Variants in TWIST2 observed in about 807,000 individuals in gnomAD.
The protein encoded by TWIST2 is twist family bHLH transcription factor 2.
A neutral mutation model predicts 11.6 loss-of-function variants in TWIST2; 1 was observed. The observed-to-expected ratio is 0.09, with a 90% CI of 0.03 to 0.41. The LOEUF (loss-of-function observed/expected upper bound fraction) is 0.41, where lower values mean the gene tolerates loss of function less well. Among genes scored for constraint, TWIST2 ranks in the 10% least tolerant of loss-of-function variants. TWIST2 has a pLI of 0.98. For missense variants in TWIST2, 168 were observed against 226.4 expected (o/e 0.74, Z 1.66); for synonymous variants, 87 against 96.6 (o/e 0.90, Z 0.58).
chr2:238,888,455 G>A (rs1481342945), intron 1 of TWIST2, among the ~76,000 whole-genome samples: 2 of 152,206 alleles, frequency 1.3e-5, no homozygotes, highest in Non-Finnish European at 2.9e-5. Flanking sequence ...CTGGGAGGGA[G>A]GTGGATTTCT....
chr2:238,888,833 C>T (rs1193914783), intron 1 of TWIST2, among the ~76,000 whole-genome samples: 2 of 152,236 alleles, frequency 1.3e-5, no homozygotes, highest in East Asian at 1.9e-4. Flanking sequence ...ATTGTTGCAA[C>T]TCATGAAGAA....
rs1327022094 is a variant in TWIST2 at position 238,867,539 on chromosome 2, G to A, written c.*35+18806G>A. On this transcript the variant is annotated intron_variant, in intron 1 of 1. Transcript: ENST00000612363. The surrounding 1 kb of genome is among the most constrained non-coding windows in gnomAD (Gnocchi z 4.8). ...CTGAGGAAGAGGCTGGGAGGAGAGA[G>A]TTGTGGCTGGGAACCCTTTGATAAA... 1.3e-5 allele frequency among the ~76,000 whole-genome samples: 2 copies of A among 152,072 alleles called. No individual in the cohort carries two copies. The highest frequency in any genetic ancestry group is 4.8e-5 in the African/African-American group (2 of 41,400).
chr2:238,892,751 G>A (rs1693160857), intron 1 of TWIST2, among the ~76,000 whole-genome samples: 1 of 152,138 alleles, frequency 6.6e-6, no homozygotes, highest in Non-Finnish European at 1.5e-5. Flanking sequence ...AAAGTGCTAG[G>A]ATTACAGGTG....
intron 1 of TWIST2, among the ~76,000 whole-genome samples, chr2:238,859,633 G>T (rs1692395273): frequency 6.6e-6 from 1 of 151,578 alleles, no homozygotes; most frequent in Admixed American, 6.6e-5. Context: ...GAGGTGTTCA[G>T]TTGGGGGTGG....
chr2:238,856,610 A>C (rs1043173667), intron 1 of TWIST2, among the ~76,000 whole-genome samples: 18 of 152,180 alleles, frequency 1.2e-4, no homozygotes, highest in African/African-American at 3.9e-4. Context: ...AGAATTTCAC[A>C]AGGGATCAGG....
chr2:238,874,414 CT>C (rs547357038), intron 1 of TWIST2, among the ~76,000 whole-genome samples: 44 of 152,242 alleles, frequency 2.9e-4, no homozygotes, highest in Middle Eastern at 3.4e-3. Flanking sequence ...TTACTTAAGG[CT>C]CTTCTTTTGC....
chr2:238,902,932 A>C, intron 1 of TWIST2, among the ~76,000 whole-genome samples: 1 of 1,072 alleles, frequency 9.3e-4, no homozygotes, highest in South Asian at 0.045. Flanking sequence ...GGTGTGTGTG[A>C]TGTGGGTGTT....
chr2:238,889,434 GTATAA>G (rs1452808724), intron 1 of TWIST2, among the ~76,000 whole-genome samples: 2 of 152,110 alleles, frequency 1.3e-5, no homozygotes, highest in Admixed American at 6.5e-5. Context: ...TGGTGGGTGT[GTATAA>G]TATGTGTATA....
chr2:238,890,419 T>A (rs1693112834), intron 1 of TWIST2, among the ~76,000 whole-genome samples: 1 of 152,038 alleles, frequency 6.6e-6, no homozygotes, highest in African/African-American at 2.4e-5. Flanking sequence ...TGAGAGCCCG[T>A]GATTGCACAA....
At chr2:238,881,535 G>A (rs1032936584) in intron 1 of TWIST2, among the ~76,000 whole-genome samples, 6 of 151,944 alleles carry the variant, frequency 3.9e-5, no homozygotes, top group South Asian at 2.1e-4. Context: ...ATTAGTGTTG[G>A]TGTTAGTATT....
chr2:238,905,944 CGCGCGCGTGTGTACGTGTGCGTGT>C (rs1693344287), intron 1 of TWIST2, among the ~76,000 whole-genome samples: 9 of 142,356 alleles, frequency 6.3e-5, no homozygotes, highest in African/African-American at 1.4e-4. Context: ...CGTGTGTGTG[CGCGCGCGTGTGTACGTGTGCGTGT>C]GTGTGCGCGC....
intron 1 of TWIST2, among the ~76,000 whole-genome samples, chr2:238,899,631 G>A (rs1273481104): frequency 6.6e-6 from 1 of 152,112 alleles, no homozygotes; most frequent in East Asian, 1.9e-4. Flanking sequence ...TGCCCATCCC[G>A]GCATGCTCTC....
intron 1 of TWIST2, among the ~76,000 whole-genome samples, chr2:238,854,053 A>G (rs1160454523): frequency 6.6e-6 from 1 of 152,206 alleles, no homozygotes; most frequent in African/African-American, 2.4e-5. Flanking sequence ...TCGAAGCCTC[A>G]TGGAGAACTA....
At chr2:238,878,812 C>G (rs555693170) in intron 1 of TWIST2, among the ~76,000 whole-genome samples, 1 of 152,140 alleles carries the variant, frequency 6.6e-6, no homozygotes, top group Non-Finnish European at 1.5e-5. Context: ...GTGGGGGGTC[C>G]GTGCTTTCAG....
chr2:238,889,025 G>T (rs540785959), intron 1 of TWIST2, among the ~76,000 whole-genome samples: 1 of 152,158 alleles, frequency 6.6e-6, no homozygotes, highest in African/African-American at 2.4e-5. Context: ...TGTCATCCTT[G>T]GGTCTGTCCT....
chr2:238,905,031 G>C, intron 1 of TWIST2, among the ~76,000 whole-genome samples: 1 of 141,422 alleles, frequency 7.1e-6, no homozygotes. Context: ...GAAAGAAGTA[G>C]GTAGGTGGGT....
rs1357809428 is a variant in TWIST2, at chr2:238,859,210, CT to C, written c.*35+10478del. ...CTAGGCAACAAGAGCGACACTCCGT[CT>C]CAAAAAAAAAAAAAAAAAGTGTAAT... On this transcript the variant is annotated intron_variant, in intron 1 of 1. Coordinates refer to ENST00000612363, the MANE Select transcript of TWIST2 (RefSeq NM_001271893.4). Among the ~76,000 whole-genome samples, 79 of 53,286 alleles carry C rather than the reference CT, an allele frequency of 1.5e-3. 1 individual carries two copies. The East Asian group carries it at 0.022, about 15-fold the overall frequency. 35.0% of individuals were successfully genotyped at this position (53,286 alleles called of 152,430 possible).
At chr2:238,865,669 G>C (rs951951337) in intron 1 of TWIST2, among the ~76,000 whole-genome samples, 1 of 149,858 alleles carries the variant, frequency 6.7e-6, no homozygotes, top group Non-Finnish European at 1.5e-5. Context: ...AGGGCCAGCT[G>C]TGCCATCTGG....
At chr2:238,906,790 G>C (rs951918150) in intron 1 of TWIST2, among the ~76,000 whole-genome samples, 13 of 152,292 alleles carry the variant, frequency 8.5e-5, no homozygotes, top group Non-Finnish European at 1.9e-4. Flanking sequence ...TCTCCTGGCG[G>C]CCGCCTTGGG....
Sources: allele counts gnomAD v4.1 joint callset (sites outside exome capture counted in the v4.1 genomes callset), GRCh38; gene constraint gnomAD v4.1.1; non-coding constraint Gnocchi (gnomAD v3.1); transcripts MANE v1.5; gene names NCBI Gene and HGNC (gene_info 2026-07-23, HGNC 2026-07-21).